Variants in PKD2 observed in about 807,000 individuals in gnomAD.
PKD2 encodes the protein polycystin 2, transient receptor potential cation channel.
Under a neutral mutation model 105.9 loss-of-function variants are expected in PKD2, and 48 were observed. That is an observed-to-expected ratio of 0.45 (90% CI 0.36 to 0.58). The LOEUF (loss-of-function observed/expected upper bound fraction) is 0.58, where lower values mean the gene tolerates loss of function less well. PKD2 is among the 20% of genes least tolerant of loss of function. The pLI is 0.00. For missense variants in PKD2, 1,078 were observed against 1,255.3 expected (o/e 0.86, Z 2.13); for synonymous variants, 464 against 481.1 (o/e 0.96, Z 0.46).
At chr4:88,026,994 G>A (rs1009480040) in intron 2 of PKD2, among the ~76,000 whole-genome samples, 5 of 152,250 alleles carry the variant, frequency 3.3e-5, no homozygotes, top group South Asian at 4.1e-4. Context: ...GAAACACCTC[G>A]ATGTCCAGGC....
chr4:88,038,387 G>A lies in PKD2; in HGVS notation c.980G>A (p.Arg327Lys). The change falls in exon 4 of 15, where the codon AGA becomes AAA. Residue 327 changes from arginine to lysine, a missense_variant. Around this residue, in one of 2 missense-constraint regions of PKD2, gnomAD observed 868 missense variants for 1,067.3 expected, o/e 0.81. Coordinates refer to ENST00000237596, the MANE Select transcript of PKD2 (RefSeq NM_000297.4). ...CCACGAATACGGCAACTCCGAGTCA[G>A]AAATGGATCCTGCTCTATCCCCCAG... ...GVPRIRQLRV[R>K]NGSCSIPQDL... 1 of 1,614,042 alleles carries A rather than the reference G, an allele frequency of 6.2e-7. No individual in the cohort carries two copies. The highest frequency in any genetic ancestry group is 1.1e-5 in the South Asian group (1 of 91,074).
At chr4:88,044,662 T>C (rs1379164665) in intron 5 of PKD2, among the ~76,000 whole-genome samples, 1 of 152,224 alleles carries the variant, frequency 6.6e-6, no homozygotes, top group East Asian at 1.9e-4. Context: ...GTTTCATAAA[T>C]GAAACTTAAT....
rs1720322392 is a variant in PKD2 at position 88,056,149 on chromosome 4, G to T, written c.1780G>T (p.Ala594Ser). 18 of 1,612,952 alleles carry T rather than the reference G, an allele frequency of 1.1e-5. No individual in the cohort carries two copies. Among genetic ancestry groups the T allele is most frequent in the Admixed American group, 1.7e-5 (1 of 59,980 alleles). ...GCTCTCGACAACCATGTCTCGATGT[G>T]CCAAAGACCTGTTTGGCTTTGCTAT... The part of the protein sequence containing the change: ...SQLSTTMSRC[A>S]KDLFGFAIMF... Residue 594 changes from alanine (A) to serine (S), a missense_variant, in exon 8 of 15, where the codon GCC (alanine) becomes TCC (serine). Ala to Ser is a moderately conservative substitution (Grantham distance 99). Around this residue, in one of 2 missense-constraint regions of PKD2, gnomAD observed 868 missense variants for 1,067.3 expected, o/e 0.81. Coordinates refer to ENST00000237596, the MANE Select transcript of PKD2 (RefSeq NM_000297.4).
intron 1 of PKD2, among the ~76,000 whole-genome samples, chr4:88,018,863 A>C (rs538323812): frequency 1.3e-5 from 2 of 152,366 alleles, no homozygotes; most frequent in East Asian, 3.8e-4. Context: ...AAGCACGCTT[A>C]GTGTAATCAG....
intron 13 of PKD2, among the ~76,000 whole-genome samples, chr4:88,071,585 G>T (rs1721035154): frequency 6.6e-6 from 1 of 151,690 alleles, no homozygotes; most frequent in Admixed American, 6.6e-5. Context: ...TGTTGTTAAA[G>T]ATTGGACATG....
At position 88,046,831 on chromosome 4, in the gene PKD2, C is replaced by T. The variant is rs1727792226; in HGVS notation, c.1509C>T (p.Phe503=). 2 of 1,610,916 alleles carry T rather than the reference C, an allele frequency of 1.2e-6. No individual in the cohort carries two copies. The highest frequency in any genetic ancestry group is 8.5e-7 in the Non-Finnish European group (1 of 1,177,130). ...TTCGCATTCACAAACTACACTATTT[C>T]AGGAGTTTCTGGAATTGTCTGGATG... ...LEIRIHKLHY[F]RSFWNCLDVV... is the part of the protein sequence containing the mutation. The change falls in exon 6 of 15, where the codon TTC becomes TTT. Residue 503 remains phenylalanine, a synonymous_variant. Coordinates refer to ENST00000237596, the MANE Select transcript of PKD2 (RefSeq NM_000297.4).
At chr4:88,059,856 G>T (rs1342929904) in intron 9 of PKD2, among the ~76,000 whole-genome samples, 1 of 152,078 alleles carries the variant, frequency 6.6e-6, no homozygotes, top group Non-Finnish European at 1.5e-5. Flanking sequence ...TGAGCATAGG[G>T]TTGGCCACCT....
intron 4 of PKD2, among the ~76,000 whole-genome samples, chr4:88,042,321 T>C (rs555793096): frequency 6.6e-6 from 1 of 152,164 alleles, no homozygotes; most frequent in Non-Finnish European, 1.5e-5. Context: ...AAAATCCCAC[T>C]TATAAAACCA....
intron 4 of PKD2, 128 bp from the exon 5 acceptor site, chr4:88,043,105 C>T: frequency 1.4e-6 from 1 of 693,368 alleles, no homozygotes; most frequent in Non-Finnish European, 2.6e-6. Flanking sequence ...ACTGCCAGGT[C>T]AGGCACAGTA....
intron 7 of PKD2, 168 bp from the exon 8 acceptor site, chr4:88,055,918 T>A: frequency 1.6e-6 from 1 of 635,302 alleles, no homozygotes; most frequent in Non-Finnish European, 2.8e-6. Context: ...ATACAGTATT[T>A]GTCCTTTTGT....
intron 1 of PKD2, among the ~76,000 whole-genome samples, chr4:88,019,254 C>T (rs1417568227): frequency 6.6e-6 from 1 of 150,870 alleles, no homozygotes; most frequent in Non-Finnish European, 1.5e-5. Flanking sequence ...TTTGGGGTAA[C>T]ATTGGAGCCA....
intron 2 of PKD2, among the ~76,000 whole-genome samples, chr4:88,027,150 C>T (rs946127622): frequency 6.6e-6 from 1 of 152,220 alleles, no homozygotes; most frequent in Non-Finnish European, 1.5e-5. Context: ...ATCCTCCAGA[C>T]TCCAGAATGG....
At chr4:88,057,848 A>AC (rs1408784733) in intron 8 of PKD2, 135 bp from the exon 9 acceptor site, 2 of 723,122 alleles carry the variant, frequency 2.8e-6, no homozygotes, top group East Asian at 5.2e-5. Context: ...AATGGGATTG[A>AC]CAATTTTCTG....
intron 2 of PKD2, among the ~76,000 whole-genome samples, chr4:88,027,529 A>G (rs535487321): frequency 2.0e-5 from 3 of 152,324 alleles, no homozygotes; most frequent in Admixed American, 2.0e-4. Flanking sequence ...CTTGTCTCAG[A>G]TGAGACTTTG....
At chr4:88,046,614 T>G in intron 5 of PKD2, 28 bp from the exon 6 acceptor site, 2 of 1,259,770 alleles carry the variant, frequency 1.6e-6, no homozygotes, top group Non-Finnish European at 1.2e-6. Flanking sequence ...TTGTTGTTAT[T>G]GTTTTAATTG....
rs77048245 is a variant in PKD2, at chr4:88,032,482, G to C, written c.710-3738G>C. 6.0e-3 allele frequency among the ~76,000 whole-genome samples: 912 copies of C among 152,240 alleles called. 13 individuals are homozygous for C. Among genetic ancestry groups the C allele is most frequent in the African/African-American group, 0.021 (856 of 41,544 alleles). On this transcript the variant is annotated intron_variant, in intron 2 of 14. Transcript: ENST00000237596. The stretch of plus-strand genomic sequence containing the variant: ...ACTTTGGCCGATACTGTGGTTTACT[G>C]TATTTTGTTCTAGTTTATTTTATGG...
intron 2 of PKD2, among the ~76,000 whole-genome samples, chr4:88,024,222 C>T (rs768428683): frequency 7.3e-5 from 11 of 151,518 alleles, no homozygotes; most frequent in Non-Finnish European, 1.2e-4. Context: ...TTTGGGAGGC[C>T]GAGGCAGGCA....
chr4:88,053,289 C>G (rs777106157), intron 7 of PKD2, among the ~76,000 whole-genome samples: 2 of 152,166 alleles, frequency 1.3e-5, no homozygotes, highest in Non-Finnish European at 2.9e-5. Context: ...TTGAAAAGCA[C>G]TGTTCTGGAA....
Position 88,039,415 on chromosome 4 carries a change from A to G in PKD2, c.1094+914A>G, listed in dbSNP as rs189198693. ...CACAGTTTCTCATGCCTGTAATCCCAGCACTTTGGAAAGCCAAGGCGGACA... is the reference window on the plus strand; with the variant it reads ...CACAGTTTCTCATGCCTGTAATCCCGGCACTTTGGAAAGCCAAGGCGGACA... On this transcript the variant is annotated intron_variant, in intron 4 of 14. Transcript: ENST00000237596. Among the ~76,000 whole-genome samples the G allele has an allele frequency of 1.2e-3, 179 of 152,324 alleles. 1 individual carries two copies. The highest frequency in any genetic ancestry group is 4.0e-3 in the African/African-American group (167 of 41,568).
Sources: gnomAD v4.1 joint callset for allele counts (sites outside exome capture counted in the v4.1 genomes callset) on GRCh38, gnomAD v4.1.1 for gene constraint, gnomAD v4.1.1 regional missense constraint, MANE v1.5 for transcripts, NCBI Gene and HGNC (gene_info 2026-07-23, HGNC 2026-07-21) for gene names.